The following DTD1 variants were observed in gnomAD, a reference collection of about 807,000 sequenced individuals.
DTD1 encodes D-aminoacyl-tRNA deacylase 1, also known as D-tyrosyl-tRNA deacylase 1 homolog.
In DTD1, 13 loss-of-function variants were observed where a neutral mutation model predicts 25.6. The ratio of observed to expected loss-of-function variants is 0.51; its 90% CI spans 0.33 to 0.81. The LOEUF is 0.81. DTD1 is among the 30% of genes least tolerant of loss of function. The probability of loss-of-function intolerance (pLI) is 0.02; values close to 1 mark genes in which losing one functional copy is unlikely to be tolerated. For missense variants in DTD1, 193 were observed against 266.4 expected, an observed-to-expected ratio of 0.72 and a Z score of 1.92; for synonymous variants, 110 against 103.6, an observed-to-expected ratio of 1.06 and a Z score of -0.37.
At chr20:18,601,498 CAAAA>C (rs1175102426) in intron 3 of DTD1, among the ~76,000 whole-genome samples, 16 of 110,612 alleles carry the variant, frequency 1.4e-4, no homozygotes, top group East Asian at 3.3e-4. Context: ...GACTCTGTCT[CAAAA>C]AAAAAAAAAA....
At chr20:18,611,428 T>C (rs888045207) in intron 3 of DTD1, among the ~76,000 whole-genome samples, 1 of 152,248 alleles carries the variant, frequency 6.6e-6, no homozygotes, top group Non-Finnish European at 1.5e-5. Context: ...ACATTTTCTT[T>C]ATTTTAGGAT....
At chr20:18,719,971 C>T (rs1206836998) in intron 4 of DTD1, among the ~76,000 whole-genome samples, 4 of 152,170 alleles carry the variant, frequency 2.6e-5, no homozygotes, top group Non-Finnish European at 5.9e-5. Flanking sequence ...GTAAGGGGTG[C>T]AGTTTTTAAG....
intron 4 of DTD1, among the ~76,000 whole-genome samples, chr20:18,691,635 T>C (rs2061047878): frequency 1.3e-5 from 2 of 152,158 alleles, no homozygotes. Context: ...GAAGGGGATG[T>C]GGGCTGAAAA....
rs111659232 is a variant in DTD1, at chr20:18,600,307, C to A, written c.370+4066C>A. On this transcript the variant is annotated intron_variant, in intron 3 of 5. Transcript: ENST00000377452. ...AGGGTCTGTGGTCTTTGTCTAGAGG[C>A]GCTTTTTTGTATGTGGATATCCAGT... Among the ~76,000 whole-genome samples, 1,199 of 152,216 alleles carry A rather than the reference C, an allele frequency of 7.9e-3. 8 individuals are homozygous for A. The highest frequency in any genetic ancestry group is 0.014 in the Middle Eastern group (4 of 294).
At chr20:18,705,410 C>T (rs1484586005) in intron 4 of DTD1, among the ~76,000 whole-genome samples, 1 of 152,162 alleles carries the variant, frequency 6.6e-6, no homozygotes, top group Non-Finnish European at 1.5e-5. Context: ...TGCCTGTACC[C>T]TTTCTCACAG....
At chr20:18,717,766 T>G (rs1019213034) in intron 4 of DTD1, among the ~76,000 whole-genome samples, 1 of 152,184 alleles carries the variant, frequency 6.6e-6, no homozygotes, top group African/African-American at 2.4e-5. Flanking sequence ...TTTTGGACTG[T>G]CCCCTCAGAA....
chr20:18,740,499 A>T (rs938634123), intron 4 of DTD1, among the ~76,000 whole-genome samples: 1 of 152,168 alleles, frequency 6.6e-6, no homozygotes, highest in African/African-American at 2.4e-5. Context: ...GAACACATGG[A>T]TGCGAATATA....
intron 4 of DTD1, among the ~76,000 whole-genome samples, chr20:18,706,709 T>G (rs1429865622): frequency 6.6e-6 from 1 of 152,262 alleles, no homozygotes; most frequent in African/African-American, 2.4e-5. Context: ...ACTTGTGTTC[T>G]CTGAGGCAGA....
intron 4 of DTD1, among the ~76,000 whole-genome samples, chr20:18,629,296 C>CTTT (rs35174616): frequency 0.032 from 2,240 of 69,226 alleles, 203 homozygotes; most frequent in Middle Eastern, 0.1. Context: ...TGTGCTCGGC[C>CTTT]TTTTTTTTTT....
intron 4 of DTD1, among the ~76,000 whole-genome samples, chr20:18,692,976 C>T (rs962874475): frequency 1.5e-4 from 23 of 150,200 alleles, no homozygotes; most frequent in African/African-American, 5.7e-4. Context: ...TCACTCACTC[C>T]ACCTCCTGGG....
chr20:18,591,697 T>G (rs1341289979), intron 1 of DTD1, among the ~76,000 whole-genome samples: 1 of 152,224 alleles, frequency 6.6e-6, no homozygotes, highest in Non-Finnish European at 1.5e-5. Flanking sequence ...TCATGACCTT[T>G]ATTTTTTAAA....
At chr20:18,659,392 C>T (rs2060901170) in intron 4 of DTD1, among the ~76,000 whole-genome samples, 1 of 152,148 alleles carries the variant, frequency 6.6e-6, no homozygotes, top group African/African-American at 2.4e-5. Context: ...CCTTTATGAA[C>T]AGCTACAAGT....
intron 3 of DTD1, among the ~76,000 whole-genome samples, chr20:18,600,910 A>G (rs984109619): frequency 1.2e-4 from 18 of 152,188 alleles, no homozygotes; most frequent in Admixed American, 3.9e-4. Flanking sequence ...CATTGCTGGT[A>G]TATAGGAAAG....
intron 4 of DTD1, among the ~76,000 whole-genome samples, chr20:18,649,192 G>A (rs2122351124): frequency 6.6e-6 from 1 of 151,752 alleles, no homozygotes; most frequent in Middle Eastern, 3.4e-3. Flanking sequence ...GAGTCAGGAG[G>A]GACTGTCAGG....
At chr20:18,741,272 C>T (rs938389221) in intron 4 of DTD1, among the ~76,000 whole-genome samples, 3 of 152,156 alleles carry the variant, frequency 2.0e-5, no homozygotes, top group Non-Finnish European at 2.9e-5. Context: ...CTCACTGCAA[C>T]CTTCATTTTG....
chr20:18,666,117 CCTTGTTTTT>C (rs1213834279), intron 4 of DTD1, among the ~76,000 whole-genome samples: 1 of 152,164 alleles, frequency 6.6e-6, no homozygotes, highest in African/African-American at 2.4e-5. Context: ...CTCAGCCTTT[CCTTGTTTTT>C]CACCACCTTG....
At chr20:18,722,323 C>T (rs1388146689) in intron 4 of DTD1, among the ~76,000 whole-genome samples, 3 of 152,202 alleles carry the variant, frequency 2.0e-5, no homozygotes, top group East Asian at 1.9e-4. Context: ...CATGCCCAGG[C>T]CACTTGGCTA....
chr20:18,650,991 G>A (rs1350581708), intron 4 of DTD1, among the ~76,000 whole-genome samples: 1 of 152,220 alleles, frequency 6.6e-6, no homozygotes, highest in Admixed American at 6.5e-5. Context: ...TGCTGGCAGA[G>A]CAGGAGAGAA....
chr20:18,614,375 A>G (rs2060700649), intron 3 of DTD1, among the ~76,000 whole-genome samples: 1 of 152,200 alleles, frequency 6.6e-6, no homozygotes, highest in South Asian at 2.1e-4. Flanking sequence ...CTCTTTGCAT[A>G]GGAGACAAGG....
Sources: gnomAD v4.1 joint callset for allele counts (sites outside exome capture counted in the v4.1 genomes callset) on GRCh38, gnomAD v4.1.1 for gene constraint, MANE v1.5 for transcripts, NCBI Gene and HGNC (gene_info 2026-07-23, HGNC 2026-07-21) for gene names.